GRM7: variants seen among roughly 807,000 people sequenced by gnomAD.
GRM7 encodes metabotropic glutamate receptor 7.
In GRM7, 35 loss-of-function variants were observed where a neutral mutation model predicts 84.5. The ratio of observed to expected loss-of-function variants is 0.41; its 90% confidence interval spans 0.32 to 0.55. The LOEUF is 0.55. GRM7 is among the 20% of genes least tolerant of loss of function. GRM7 has a pLI of 0.19. For missense variants in GRM7, 1,003 were observed against 1,194.6 expected, an observed-to-expected ratio of 0.84 and a Z score of 2.36; for synonymous variants, 487 against 455.1, an observed-to-expected ratio of 1.07 and a Z score of -0.89.
intron 4 of GRM7, among the ~76,000 whole-genome samples, chr3:7,377,455 T>C (rs1244119416): frequency 3.3e-5 from 5 of 152,210 alleles, no homozygotes; most frequent in African/African-American, 1.2e-4. Flanking sequence ...AGACAGCGTC[T>C]GGAATCAATA....
At chr3:6,932,431 T>A (rs1697535780) in intron 1 of GRM7, among the ~76,000 whole-genome samples, 1 of 152,116 alleles carries the variant, frequency 6.6e-6, no homozygotes, top group African/African-American at 2.4e-5. Flanking sequence ...AAGCAAAAAA[T>A]GGCCCAAGCA....
chr3:7,363,994 G>C (rs1693773872), intron 4 of GRM7, among the ~76,000 whole-genome samples: 3 of 151,996 alleles, frequency 2.0e-5, no homozygotes, highest in Non-Finnish European at 4.4e-5. Flanking sequence ...TTCTCCAACT[G>C]TTAAGAGTTG....
intron 7 of GRM7, chr3:7,519,974 T>C (rs1322911426): frequency 6.6e-6 from 1 of 152,230 alleles, no homozygotes; most frequent in African/African-American, 2.4e-5. Context: ...GGCTGGTTCG[T>C]GCTTCTTCAC....
chr3:7,490,069 AC>A (rs1196737660), intron 7 of GRM7, among the ~76,000 whole-genome samples: 1 of 152,118 alleles, frequency 6.6e-6, no homozygotes, highest in Non-Finnish European at 1.5e-5. Flanking sequence ...GAACACTTAT[AC>A]AATTATAACA....
chr3:6,888,425 G>C (rs1330411326), intron 1 of GRM7, among the ~76,000 whole-genome samples: 9 of 152,090 alleles, frequency 5.9e-5, no homozygotes, highest in Admixed American at 2.0e-4. Flanking sequence ...GTAAGGAAGG[G>C]ATCCAGTTTC....
At chr3:7,700,462 G>T (rs1238006153) in intron 9 of GRM7, among the ~76,000 whole-genome samples, 1 of 152,134 alleles carries the variant, frequency 6.6e-6, no homozygotes, top group Non-Finnish European at 1.5e-5. Context: ...AGTCTAGATC[G>T]GTCATTCTGC....
intron 1 of GRM7, among the ~76,000 whole-genome samples, chr3:7,027,651 G>A (rs546802922): frequency 6.6e-6 from 1 of 152,152 alleles, no homozygotes. Flanking sequence ...AAAAAACCTT[G>A]TAAGAGGTTT....
intron 5 of GRM7, among the ~76,000 whole-genome samples, chr3:7,437,338 T>G (rs758830902): frequency 9.9e-5 from 15 of 152,174 alleles, no homozygotes; most frequent in Non-Finnish European, 5.9e-5. Context: ...CACTTCTCTC[T>G]CCTATCCACT....
intron 4 of GRM7, among the ~76,000 whole-genome samples, chr3:7,362,537 T>C (rs1192435602): frequency 1.3e-5 from 2 of 152,098 alleles, no homozygotes; most frequent in Non-Finnish European, 2.9e-5. Context: ...GTATGATTCC[T>C]ACATGGACTG....
chr3:7,355,610 A>G (rs1178661009), intron 4 of GRM7, among the ~76,000 whole-genome samples: 2 of 152,092 alleles, frequency 1.3e-5, no homozygotes, highest in South Asian at 2.1e-4. Flanking sequence ...TACTGAACGC[A>G]TGACTGTGGG....
chr3:6,982,998 T>G (rs1486209219), intron 1 of GRM7, among the ~76,000 whole-genome samples: 1 of 152,166 alleles, frequency 6.6e-6, no homozygotes, highest in African/African-American at 2.4e-5. Context: ...AAATGCCAAA[T>G]AATGGGATTG....
At chr3:7,713,124 GT>G (rs5846535) in intron 9 of GRM7, among the ~76,000 whole-genome samples, 47,336 of 97,582 alleles carry the variant, frequency 0.49, 9,637 homozygotes, top group East Asian at 0.77. Flanking sequence ...ATTTTGTTTT[GT>G]TTTTTTTTTT....
Position 7,177,500 on chromosome 3 carries a change from A to G in GRM7, c.736+30832A>G, listed in dbSNP as rs1405127894. Among the ~76,000 whole-genome samples the G allele has an allele frequency of 2.1e-5, 3 of 142,562 alleles. No homozygotes were observed. The East Asian group carries it at 7.3e-4, about 35-fold the overall frequency. The allele number at this position is 142,562 out of a possible 152,430, so 93.5% of individuals were successfully genotyped here. ...GTTATTAGCTATAATAAACTTAAGA[A>G]GAGAAGAAGGAATAAAGGAGGGAAG... On this transcript the variant is annotated intron_variant, in intron 2 of 9. Transcript: ENST00000357716.
At chr3:7,470,786 CATT>C (rs1698669357) in intron 7 of GRM7, among the ~76,000 whole-genome samples, 1 of 152,016 alleles carries the variant, frequency 6.6e-6, no homozygotes, top group Non-Finnish European at 1.5e-5. Context: ...GGACTCAACT[CATT>C]ATCATCAAAC....
At chr3:6,930,246 T>C (rs1241174042) in intron 1 of GRM7, among the ~76,000 whole-genome samples, 1 of 152,198 alleles carries the variant, frequency 6.6e-6, no homozygotes, top group Non-Finnish European at 1.5e-5. Flanking sequence ...CCAAGCATAG[T>C]ACTGATATTA....
intron 1 of GRM7, among the ~76,000 whole-genome samples, chr3:6,994,997 C>A (rs1694782219): frequency 6.6e-6 from 1 of 152,154 alleles, no homozygotes; most frequent in East Asian, 1.9e-4. Flanking sequence ...ACATGACTGG[C>A]TTTGGCTAAT....
intron 2 of GRM7, among the ~76,000 whole-genome samples, chr3:7,274,779 A>AT (rs1486080467): frequency 3.3e-5 from 5 of 151,134 alleles, no homozygotes; most frequent in African/African-American, 4.9e-5. Flanking sequence ...TTGTATTGTC[A>AT]TTTTTTCTGG....
chr3:7,680,761 C>G (rs1335442382), intron 9 of GRM7: 1 of 168,402 alleles, frequency 5.9e-6, no homozygotes, highest in Non-Finnish European at 1.3e-5. Flanking sequence ...ATCAGGTCTT[C>G]TAGAAACATA....
At chr3:7,556,616 G>A (rs144869447) in intron 7 of GRM7, among the ~76,000 whole-genome samples, 85 of 152,296 alleles carry the variant, frequency 5.6e-4, no homozygotes, top group Non-Finnish European at 1.1e-3. Flanking sequence ...CTCAACTGGT[G>A]AACCAAAGCA....
Sources: gnomAD v4.1 joint callset for allele counts (sites outside exome capture counted in the v4.1 genomes callset) on GRCh38, gnomAD v4.1.1 for gene constraint, MANE v1.5 for transcripts, NCBI Gene and HGNC (gene_info 2026-07-23, HGNC 2026-07-21) for gene names.